GLG1: variants seen among roughly 807,000 people sequenced by gnomAD.
GLG1 encodes the protein golgi glycoprotein 1, also known as Golgi apparatus protein 1.
GLG1 carries 38 observed loss-of-function variants against 160.5 expected under a neutral mutation model. The ratio of observed to expected loss-of-function variants is 0.24; its 90% confidence interval spans 0.18 to 0.31. The LOEUF is 0.31. Among genes scored for constraint, GLG1 ranks in the 10% least tolerant of loss-of-function variants. GLG1 has a pLI of 1.00. For synonymous variants in GLG1, 644 were observed against 543.4 expected, an observed-to-expected ratio of 1.19 and a Z score of -2.57; for missense variants, 1,373 against 1,505.2, an observed-to-expected ratio of 0.91 and a Z score of 1.45.
chr16:74,560,159 G>A (rs1291056651), intron 1 of GLG1, among the ~76,000 whole-genome samples: 16 of 152,066 alleles, frequency 1.1e-4, no homozygotes, highest in Admixed American at 1.0e-3. Context: ...TTAGCACTTG[G>A]ACAGGCAGAC....
At chr16:74,520,295 T>G (rs1191785692) in intron 2 of GLG1, among the ~76,000 whole-genome samples, 1 of 152,186 alleles carries the variant, frequency 6.6e-6, no homozygotes, top group Admixed American at 6.5e-5. Flanking sequence ...TTTCTCTGCC[T>G]TGGTGTATTC....
chr16:74,502,163 T>C (rs1207962750), intron 4 of GLG1, among the ~76,000 whole-genome samples: 1 of 152,182 alleles, frequency 6.6e-6, no homozygotes, highest in Non-Finnish European at 1.5e-5. Flanking sequence ...TCCTGAACAG[T>C]AGATTAATGA....
intron 8 of GLG1, among the ~76,000 whole-genome samples, chr16:74,490,197 G>A (rs879122535): frequency 2.6e-5 from 4 of 152,252 alleles, no homozygotes; most frequent in Admixed American, 2.0e-4. Context: ...ATGGACAACA[G>A]GAATGAAAGG....
Position 74,474,553 on chromosome 16 carries a change from T to A in GLG1, c.2045A>T (p.Glu682Val). 2 of 1,489,952 alleles carry A rather than the reference T, an allele frequency of 1.3e-6. No individual in the cohort carries two copies. The highest frequency in any genetic ancestry group is 1.9e-6 in the Non-Finnish European group (2 of 1,066,668). The allele number at this position is 1,489,952 out of a possible 1,614,324, so 92.3% of individuals were successfully genotyped here. A position where few individuals can be genotyped will look rare whatever the true frequency, so the allele number is the denominator to read the frequency against. Reference sequence around the variant, plus strand: ...AAGCTGCATACCACTTACCTCTGATTCTAACTCAGTGAGGTTGCCAACTAT... The same window carrying A: ...AAGCTGCATACCACTTACCTCTGATACTAACTCAGTGAGGTTGCCAACTAT... ...RDIVGNLTEL[E>V]SEDIQIEALL... The change falls in exon 13 of 26, where the codon GAA (glutamate) becomes GTA (valine). Residue 682 changes from glutamate (E) to valine (V), a missense_variant. Around this residue, in one of 4 missense-constraint regions of GLG1, gnomAD observed 386 missense variants for 388.5 expected, o/e 0.99. Coordinates refer to ENST00000422840, the MANE Select transcript of GLG1 (RefSeq NM_001145667.2).
intron 17 of GLG1, 145 bp downstream of exon 17, chr16:74,468,801 T>C (rs184695488): frequency 1.5e-6 from 1 of 646,266 alleles, no homozygotes; most frequent in East Asian, 2.6e-5. Flanking sequence ...AAGCTAATGG[T>C]CGTATGTTAA....
In GLG1 at chr16:74,564,149, G is replaced by A. The variant is rs2018586026; in HGVS notation, c.439-31996C>T. 2.6e-5 allele frequency among the ~76,000 whole-genome samples: 4 copies of A among 152,230 alleles called. 1 individual carries two copies. In the South Asian group the frequency reaches 6.2e-4, roughly 24 times the overall value. ...TTGCCTACGCTGTCTTGAACTCCTGGCCTCAGGGATCCTCCCGCTTCGGCC... is the reference window on the plus strand; with the variant it reads ...TTGCCTACGCTGTCTTGAACTCCTGACCTCAGGGATCCTCCCGCTTCGGCC... On this transcript the variant is annotated intron_variant, in intron 1 of 25. Coordinates refer to ENST00000422840, the MANE Select transcript of GLG1 (RefSeq NM_001145667.2).
intron 2 of GLG1, among the ~76,000 whole-genome samples, chr16:74,519,576 A>AC (rs397701229): frequency 2.0e-5 from 3 of 151,096 alleles, no homozygotes; most frequent in Admixed American, 2.0e-4. Flanking sequence ...AAAAAAAAAA[A>AC]GAAAATTTAG....
intron 9 of GLG1, among the ~76,000 whole-genome samples, chr16:74,484,653 C>A (rs928468797): frequency 6.6e-6 from 1 of 152,074 alleles, no homozygotes; most frequent in Non-Finnish European, 1.5e-5. Flanking sequence ...CCCAGCTACT[C>A]GGGAGGCTGA....
At chr16:74,600,098 A>G (rs1958405194) in intron 1 of GLG1, among the ~76,000 whole-genome samples, 1 of 152,206 alleles carries the variant, frequency 6.6e-6, no homozygotes, top group Non-Finnish European at 1.5e-5. Flanking sequence ...TGCTTTCTGA[A>G]GCATGTGCTA....
At chr16:74,476,727 T>G (rs1439405359) in intron 12 of GLG1, among the ~76,000 whole-genome samples, 1 of 152,180 alleles carries the variant, frequency 6.6e-6, no homozygotes, top group African/African-American at 2.4e-5. Flanking sequence ...AGGGAATTTT[T>G]GGGGGCTGCT....
intron 1 of GLG1, among the ~76,000 whole-genome samples, chr16:74,584,146 C>A (rs918350396): frequency 7.2e-5 from 11 of 152,082 alleles, no homozygotes; most frequent in Non-Finnish European, 1.2e-4. Context: ...CATTCTCCTA[C>A]CCAAGAATGT....
chr16:74,481,135 T>C (rs1464106173), intron 10 of GLG1, among the ~76,000 whole-genome samples: 1 of 152,232 alleles, frequency 6.6e-6, no homozygotes, highest in African/African-American at 2.4e-5. Flanking sequence ...TTCAATCCTA[T>C]GTAATGTATT....
At chr16:74,602,426 T>C (rs992520116) in intron 1 of GLG1, among the ~76,000 whole-genome samples, 12 of 152,312 alleles carry the variant, frequency 7.9e-5, no homozygotes, top group South Asian at 6.2e-4. Flanking sequence ...CTTGAAGTAT[T>C]TGAAATGACA....
chr16:74,456,550 G>A (rs1201187943), intron 25 of GLG1, 99 bp downstream of exon 25: 2 of 766,174 alleles, frequency 2.6e-6, no homozygotes, highest in Non-Finnish European at 4.6e-6. Flanking sequence ...GCCACAGCGA[G>A]GAGAGTGGCA....
At chr16:74,515,418 T>C (rs998853451) in intron 2 of GLG1, among the ~76,000 whole-genome samples, 1 of 152,084 alleles carries the variant, frequency 6.6e-6, no homozygotes, top group Non-Finnish European at 1.5e-5. Flanking sequence ...TCAACAAATG[T>C]AAAAGAGGAG....
chr16:74,488,794 T>C (rs2015879796), intron 8 of GLG1, among the ~76,000 whole-genome samples: 3 of 151,972 alleles, frequency 2.0e-5, no homozygotes, highest in Admixed American at 6.6e-5. Flanking sequence ...TAATTTCGTA[T>C]TTTTCATAGA....
chr16:74,524,642 G>A (rs2017281193), intron 2 of GLG1, among the ~76,000 whole-genome samples: 2 of 151,940 alleles, frequency 1.3e-5, no homozygotes, highest in Non-Finnish European at 2.9e-5. Context: ...AAAGGGAGGG[G>A]AAGTACATAA....
At chr16:74,476,256 T>A (rs1343585276) in intron 12 of GLG1, among the ~76,000 whole-genome samples, 2 of 152,210 alleles carry the variant, frequency 1.3e-5, no homozygotes, top group African/African-American at 2.4e-5. Flanking sequence ...TTCTAAAGTT[T>A]ACTTTACTCG....
Position 74,493,051 on chromosome 16 carries a change from C to T in GLG1, c.1140G>A (p.Leu380=). 6.2e-7 allele frequency: 1 copy of T among 1,613,842 alleles called. No homozygotes were observed. The change falls in exon 7 of 26, where the codon TTG becomes TTA. Residue 380 remains leucine, a synonymous_variant. Coordinates refer to ENST00000422840, the MANE Select transcript of GLG1 (RefSeq NM_001145667.2). Reference sequence around the variant, plus strand: ...TTTCCACATTGCACCGGTATTTCTTCAAGTCACTTTTACAGGATTTGGCCA... The same window carrying T: ...TTTCCACATTGCACCGGTATTTCTTTAAGTCACTTTTACAGGATTTGGCCA... ...YSLAKSCKSD[L]KKYRCNVENL...
Sources: gnomAD v4.1 joint callset for allele counts (sites outside exome capture counted in the v4.1 genomes callset) on GRCh38, gnomAD v4.1.1 for gene constraint, gnomAD v4.1.1 regional missense constraint, MANE v1.5 for transcripts, NCBI Gene and HGNC (gene_info 2026-07-23, HGNC 2026-07-21) for gene names.